The following NCKAP1 variants were observed in gnomAD, a reference collection of about 807,000 sequenced individuals.
NCKAP1 encodes NCK associated protein 1.
A neutral mutation model predicts 151.2 loss-of-function variants in NCKAP1; 21 were observed. The ratio of observed to expected loss-of-function variants is 0.14; its 90% CI spans 0.10 to 0.20. NCKAP1 has a LOEUF of 0.20. Ranked by LOEUF, NCKAP1 falls within the 10% of genes least tolerant of loss-of-function variation. NCKAP1 has a pLI of 1.00. For synonymous variants in NCKAP1, 484 were observed against 451.8 expected, an observed-to-expected ratio of 1.07 and a Z score of -0.90; for missense variants, 933 against 1,352.1, an observed-to-expected ratio of 0.69 and a Z score of 4.86.
chr2:182,983,581 T>C (rs1697985474), intron 10 of NCKAP1, among the ~76,000 whole-genome samples, 199 bp from the exon 11 acceptor site: 1 of 152,214 alleles, frequency 6.6e-6, no homozygotes, highest in Non-Finnish European at 1.5e-5. Flanking sequence ...TGTTGCTTTT[T>C]AAACTATGTT....
At chr2:183,031,032 CA>C (rs547943521) in intron 1 of NCKAP1, among the ~76,000 whole-genome samples, 1 of 152,104 alleles carries the variant, frequency 6.6e-6, no homozygotes, top group Non-Finnish European at 1.5e-5. Context: ...GGCTTGATAA[CA>C]AAGTATACTG....
At chr2:183,029,019 A>G (rs1441111100) in intron 1 of NCKAP1, among the ~76,000 whole-genome samples, 1 of 151,898 alleles carries the variant, frequency 6.6e-6, no homozygotes, top group Non-Finnish European at 1.5e-5. Flanking sequence ...CGGGAGGCTG[A>G]GGCAGGAGAA....
In NCKAP1 at chr2:182,921,224, C is replaced by T. The variant is rs1473912953; in HGVS notation, c.*4478G>A. Reference sequence around the variant, plus strand: ...CTGCTGAGAAATTAATGACTCTGCACTGCATTAAATTTAAAAAATGAGCTT... The same window carrying T: ...CTGCTGAGAAATTAATGACTCTGCATTGCATTAAATTTAAAAAATGAGCTT... On this transcript the variant is annotated 3_prime_UTR_variant, in exon 31 of 31. Transcript: ENST00000361354. The T allele has an allele frequency of 6.6e-6, 1 of 152,116 alleles. No individual in the cohort carries two copies. The highest frequency in any genetic ancestry group is 2.4e-5 in the African/African-American group (1 of 41,408). 9.4% of individuals were successfully genotyped at this position (152,116 alleles called of 1,614,324 possible). A position where few individuals can be genotyped will look rare whatever the true frequency, so the allele number is the denominator to read the frequency against.
chr2:182,938,810 T>C (rs981194250), intron 24 of NCKAP1, among the ~76,000 whole-genome samples: 5 of 152,112 alleles, frequency 3.3e-5, no homozygotes, highest in African/African-American at 1.2e-4. Flanking sequence ...GGATAAAATA[T>C]GTAAAGCCAG....
At chr2:182,999,353 A>C (rs1176498522) in intron 6 of NCKAP1, among the ~76,000 whole-genome samples, 2 of 152,220 alleles carry the variant, frequency 1.3e-5, no homozygotes, top group African/African-American at 4.8e-5. Context: ...AACACTTCTC[A>C]AAAGAATACA....
chr2:182,959,018 C>G (rs1022268099), intron 18 of NCKAP1, among the ~76,000 whole-genome samples: 1 of 152,126 alleles, frequency 6.6e-6, no homozygotes, highest in African/African-American at 2.4e-5. Flanking sequence ...TTAGCTTTAC[C>G]TGTTTCTTTC....
intron 18 of NCKAP1, among the ~76,000 whole-genome samples, chr2:182,958,662 G>C: frequency 6.6e-6 from 1 of 152,130 alleles, no homozygotes; most frequent in Admixed American, 6.5e-5. Context: ...AGAGAAGCAG[G>C]AATCAAGTAT....
intron 2 of NCKAP1, among the ~76,000 whole-genome samples, chr2:183,005,340 G>C (rs1010313452): frequency 6.6e-6 from 1 of 152,052 alleles, no homozygotes; most frequent in African/African-American, 2.4e-5. Context: ...GTCCTAGTCT[G>C]AACAATAAAT....
chr2:182,993,517 C>G (rs1003769695), intron 8 of NCKAP1, among the ~76,000 whole-genome samples: 1 of 152,092 alleles, frequency 6.6e-6, no homozygotes, highest in African/African-American at 2.4e-5. Context: ...TGTATTAAAC[C>G]TGTGTGTCTC....
At position 182,966,447 on chromosome 2, in the gene NCKAP1, C is replaced by T. The variant is rs575726499; in HGVS notation, c.1628+769G>A. ...GACTACAGGCACACACCACCACGTC[C>T]GACTAATTTTTCTATTTTCAGTAGA... On this transcript the variant is annotated intron_variant, in intron 16 of 30. Coordinates refer to ENST00000361354, the MANE Select transcript of NCKAP1 (RefSeq NM_013436.5). 3.0e-4 allele frequency among the ~76,000 whole-genome samples: 45 copies of T among 152,088 alleles called. No homozygotes were observed. The East Asian group carries it at 7.6e-3, about 26-fold the overall frequency.
At position 182,967,341 on chromosome 2, in the gene NCKAP1, C is replaced by T. The variant is rs553150572; in HGVS notation, c.1503G>A (p.Lys501=). 7 of 1,609,466 alleles carry T rather than the reference C, an allele frequency of 4.3e-6. No individual in the cohort carries two copies. In the Admixed American group the frequency reaches 1.2e-4, roughly 27 times the overall value. The change falls in exon 16 of 31, where the codon AAG becomes AAA. Residue 501 remains lysine (K), a synonymous_variant. Coordinates refer to ENST00000361354, the MANE Select transcript of NCKAP1 (RefSeq NM_013436.5). ...FRLQAYTSVS[K]ASLGLADHRE... ...TGTGATCTGCAAGGCCAAGTGAAGC[C>T]TTTGAGACACTAGTATATGCCTATA... is the stretch of plus-strand genomic sequence containing the variant.
At chr2:182,984,751 A>G (rs926865302) in intron 10 of NCKAP1, among the ~76,000 whole-genome samples, 1 of 152,184 alleles carries the variant, frequency 6.6e-6, no homozygotes, top group Non-Finnish European at 1.5e-5. Context: ...AAAATGAACA[A>G]ATGTTATTTT....
At chr2:182,928,504 T>TAA (rs968536410) in intron 28 of NCKAP1, among the ~76,000 whole-genome samples, 16 of 151,980 alleles carry the variant, frequency 1.1e-4, no homozygotes, top group African/African-American at 3.4e-4. Flanking sequence ...AGCTCGGAAA[T>TAA]AAAAAGGAAG....
At chr2:183,001,022 G>A (rs76108297) in intron 6 of NCKAP1, among the ~76,000 whole-genome samples, 6,689 of 152,330 alleles carry the variant, frequency 0.044, 203 homozygotes, top group South Asian at 0.13. Flanking sequence ...GAGCCCGGGA[G>A]GCGGAAGCTC....
chr2:183,006,442 A>G (rs1050065271), intron 2 of NCKAP1, among the ~76,000 whole-genome samples: 5 of 152,242 alleles, frequency 3.3e-5, no homozygotes, highest in African/African-American at 1.2e-4. Flanking sequence ...AGTATTTCTA[A>G]TAAGAGCTGA....
chr2:183,030,485 TA>T (rs1698984274), intron 1 of NCKAP1, among the ~76,000 whole-genome samples: 1 of 152,004 alleles, frequency 6.6e-6, no homozygotes, highest in East Asian at 1.9e-4. Flanking sequence ...ACTGAAAAAA[TA>T]TGAACAAGAT....
chr2:182,962,813 C>A (rs1251841301), intron 17 of NCKAP1, among the ~76,000 whole-genome samples: 2 of 150,098 alleles, frequency 1.3e-5, no homozygotes, highest in Admixed American at 6.7e-5. Context: ...AACCCTATTG[C>A]TCCCAGGAAG....
intron 17 of NCKAP1, among the ~76,000 whole-genome samples, chr2:182,962,481 T>C (rs1304807896): frequency 1.3e-5 from 2 of 152,134 alleles, no homozygotes; most frequent in African/African-American, 4.8e-5. Flanking sequence ...TATTTGGTGA[T>C]TGTGAAAGCA....
chr2:182,981,500 A>C, intron 12 of NCKAP1, 124 bp from the exon 13 acceptor site: 1 of 588,186 alleles, frequency 1.7e-6, no homozygotes, highest in South Asian at 3.3e-5. Flanking sequence ...TTAATACTTA[A>C]TGTCAATTAC....
Sources: allele counts gnomAD v4.1 joint callset (sites outside exome capture counted in the v4.1 genomes callset), GRCh38; gene constraint gnomAD v4.1.1; transcripts MANE v1.5; gene names NCBI Gene and HGNC (gene_info 2026-07-23, HGNC 2026-07-21).